TMEM178B: variants seen among roughly 807,000 people sequenced by gnomAD.
The protein encoded by TMEM178B is transmembrane protein 178B.
TMEM178B carries 5 observed loss-of-function variants against 31.0 expected under a neutral mutation model. That is an observed-to-expected ratio of 0.16 (90% confidence interval 0.08 to 0.34). The LOEUF (loss-of-function observed/expected upper bound fraction) is 0.34, where lower values mean the gene tolerates loss of function less well. TMEM178B is among the 10% of genes least tolerant of loss of function. The pLI, the probability that TMEM178B is intolerant of heterozygous loss-of-function variation, is 1.00. For missense variants in TMEM178B, 275 were observed against 400.3 expected, an observed-to-expected ratio of 0.69 and a Z score of 2.67; for synonymous variants, 164 against 164.0, an observed-to-expected ratio of 1.00 and a Z score of 0.00.
At chr7:141,283,606 G>A (rs1798399221) in intron 2 of TMEM178B, among the ~76,000 whole-genome samples, 1 of 152,180 alleles carries the variant, frequency 6.6e-6, no homozygotes, top group South Asian at 2.1e-4. Context: ...ACAAATGTTT[G>A]AAGTGTTTGT....
chr7:141,130,653 C>T (rs1438154753), intron 1 of TMEM178B, among the ~76,000 whole-genome samples: 1 of 151,886 alleles, frequency 6.6e-6, no homozygotes, highest in Non-Finnish European at 1.5e-5. Flanking sequence ...TCTTTAATTG[C>T]ACATATATTC....
chr7:141,226,824 C>T (rs1174974749), intron 2 of TMEM178B, among the ~76,000 whole-genome samples: 2 of 146,536 alleles, frequency 1.4e-5, no homozygotes, highest in African/African-American at 2.6e-5. Context: ...CACCACTGCA[C>T]TCCAGCCTAA....
chr7:141,456,201 A>G (rs1339520464), intron 3 of TMEM178B, among the ~76,000 whole-genome samples: 1 of 152,218 alleles, frequency 6.6e-6, no homozygotes, highest in African/African-American at 2.4e-5. Flanking sequence ...TCCTAGAGCA[A>G]GTCAGAGAGA....
At chr7:141,353,240 T>G (rs137864717) in intron 2 of TMEM178B, among the ~76,000 whole-genome samples, 1 of 152,326 alleles carries the variant, frequency 6.6e-6, no homozygotes, top group East Asian at 1.9e-4. Flanking sequence ...ACATGCAAAC[T>G]TAGCCATGCA....
At chr7:141,417,557 T>G (rs1563177096) in intron 2 of TMEM178B, among the ~76,000 whole-genome samples, 1 of 152,316 alleles carries the variant, frequency 6.6e-6, no homozygotes, top group East Asian at 1.9e-4. Context: ...GCTACATGAT[T>G]GGCACTTCTT....
At chr7:141,181,160 A>G (rs1034366955) in intron 1 of TMEM178B, among the ~76,000 whole-genome samples, 14 of 152,376 alleles carry the variant, frequency 9.2e-5, no homozygotes, top group Admixed American at 8.5e-4. Flanking sequence ...AATTAGATAC[A>G]TGAAACAGCC....
At chr7:141,305,334 T>A (rs1192981787) in intron 2 of TMEM178B, among the ~76,000 whole-genome samples, 1 of 152,246 alleles carries the variant, frequency 6.6e-6, no homozygotes, top group African/African-American at 2.4e-5. Context: ...TATGTATATA[T>A]TAACTCATTT....
intron 1 of TMEM178B, among the ~76,000 whole-genome samples, chr7:141,120,560 G>GA (rs1238048359): frequency 1.3e-5 from 2 of 152,064 alleles, no homozygotes; most frequent in Admixed American, 6.6e-5. Flanking sequence ...GTGTCCTAAA[G>GA]AAAAAAGCAG....
In TMEM178B at chr7:141,299,090, C is replaced by T. The variant is rs1348122863; in HGVS notation, c.496+86386C>T. ...ATTTTGGGGAAAAGGAGAGCTGCCT[C>T]GTAGTGGTGGTGGTGGTGGGGCTAG... On this transcript the variant is annotated intron_variant, in intron 2 of 3. Coordinates refer to ENST00000565468, the MANE Select transcript of TMEM178B (RefSeq NM_001195278.2). Among the ~76,000 whole-genome samples, 5 of 152,218 alleles carry T rather than the reference C, an allele frequency of 3.3e-5. No homozygotes were observed. In the South Asian group the frequency reaches 6.2e-4, roughly 19 times the overall value.
chr7:141,162,489 T>G (rs1402077924), intron 1 of TMEM178B, among the ~76,000 whole-genome samples: 1 of 152,104 alleles, frequency 6.6e-6, no homozygotes, highest in African/African-American at 2.4e-5. Flanking sequence ...ATAAGCAAAA[T>G]GGGCCCAACT....
At chr7:141,222,033 G>A (rs4726430) in intron 2 of TMEM178B, among the ~76,000 whole-genome samples, 70,636 of 149,048 alleles carry the variant, frequency 0.47, 17,135 homozygotes, top group East Asian at 0.67. Flanking sequence ...GGTGTGGATC[G>A]TAGTGGTCAG....
intron 1 of TMEM178B, among the ~76,000 whole-genome samples, chr7:141,178,976 C>A (rs1796475272): frequency 6.6e-6 from 1 of 152,166 alleles, no homozygotes; most frequent in Non-Finnish European, 1.5e-5. Context: ...TGTTCCGAAC[C>A]TCTTTTCACT....
intron 2 of TMEM178B, among the ~76,000 whole-genome samples, chr7:141,353,719 A>G (rs2107944): frequency 0.35 from 53,710 of 152,080 alleles, 9,762 homozygotes; most frequent in African/African-American, 0.42. Context: ...GTTTTGTTCA[A>G]TCTCTGTAAC....
In TMEM178B at chr7:141,461,568, G is replaced by C. The variant is rs1426101161; in HGVS notation, c.635-8968G>C. On this transcript the variant is annotated intron_variant, in intron 3 of 3. Transcript: ENST00000565468. The surrounding 1 kb of genome is among the most constrained non-coding windows in gnomAD (Gnocchi z 4.0). The stretch of plus-strand genomic sequence containing the variant: ...TCAGTTTCCTAGGAGACGGCTTCTT[G>C]AATTAGTAAGAGCATTTCTGCTGCC... Among the ~76,000 whole-genome samples the C allele has an allele frequency of 6.6e-6, 1 of 152,224 alleles. No individual in the cohort carries two copies. Among genetic ancestry groups the C allele is most frequent in the African/African-American group, 2.4e-5 (1 of 41,462 alleles).
intron 2 of TMEM178B, among the ~76,000 whole-genome samples, chr7:141,304,430 C>T (rs1798779412): frequency 6.6e-6 from 1 of 152,110 alleles, no homozygotes; most frequent in African/African-American, 2.4e-5. Context: ...CCACCCTCTT[C>T]CCACCTTCTG....
In TMEM178B at chr7:141,338,477, C is replaced by T. The variant is rs541999913; in HGVS notation, c.497-99131C>T. 6.4e-4 allele frequency among the ~76,000 whole-genome samples: 97 copies of T among 152,220 alleles called. 3 individuals carry two copies. The South Asian group carries it at 0.017, about 26-fold the overall frequency. ...TTATTAAAATAGTTAAGAATGAAAA[C>T]GCCTGGAACCCTAGAGTGCCTGCCC... On this transcript the variant is annotated intron_variant, in intron 2 of 3. Coordinates refer to ENST00000565468, the MANE Select transcript of TMEM178B (RefSeq NM_001195278.2).
intron 2 of TMEM178B, among the ~76,000 whole-genome samples, chr7:141,430,388 C>T (rs1425042104): frequency 6.6e-6 from 1 of 152,238 alleles, no homozygotes; most frequent in Non-Finnish European, 1.5e-5. Flanking sequence ...ACTTATATAG[C>T]TCTAGCATTG....
chr7:141,200,629 A>G (rs1410817662), intron 1 of TMEM178B, among the ~76,000 whole-genome samples: 1 of 152,170 alleles, frequency 6.6e-6, no homozygotes, highest in Non-Finnish European at 1.5e-5. Flanking sequence ...GAAAGTGGTG[A>G]TGCCGGCAGA....
intron 1 of TMEM178B, among the ~76,000 whole-genome samples, chr7:141,163,511 AAT>A (rs1491396141): frequency 1.1e-3 from 165 of 151,178 alleles, no homozygotes; most frequent in East Asian, 6.6e-3. Context: ...AGCAAACAGC[AAT>A]TTTTTTTTTT....
Sources: gnomAD v4.1 joint callset for allele counts (sites outside exome capture counted in the v4.1 genomes callset) on GRCh38, gnomAD v4.1.1 for gene constraint, Gnocchi (gnomAD v3.1) non-coding constraint, MANE v1.5 for transcripts, NCBI Gene and HGNC (gene_info 2026-07-23, HGNC 2026-07-21) for gene names.